AGBL3: variants seen among roughly 807,000 people sequenced by gnomAD.
AGBL3 encodes cytosolic carboxypeptidase 3.
AGBL3 carries 68 observed loss-of-function variants against 94.5 expected under a neutral mutation model. The ratio of observed to expected loss-of-function variants is 0.72; its 90% confidence interval spans 0.59 to 0.88. The LOEUF (loss-of-function observed/expected upper bound fraction) is 0.88. AGBL3 is among the 40% of genes least tolerant of loss of function. The pLI, the probability that AGBL3 is intolerant of heterozygous loss-of-function variation, is 0.00. For missense variants in AGBL3, 934 were observed against 1,103.8 expected, an observed-to-expected ratio of 0.85 and a Z score of 2.18; for synonymous variants, 354 against 370.7, an observed-to-expected ratio of 0.95 and a Z score of 0.52.
chr7:135,096,363 C>G (rs6956619), intron 15 of AGBL3, among the ~76,000 whole-genome samples: 139,015 of 146,178 alleles, frequency 0.95, 66,437 homozygotes, highest in Non-Finnish European at 1. Flanking sequence ...AAGAGAGAGA[C>G]AGACAGACAG....
chr7:135,127,273 A>G (rs558094196), intron 16 of AGBL3, among the ~76,000 whole-genome samples: 15 of 152,126 alleles, frequency 9.9e-5, no homozygotes, highest in Non-Finnish European at 1.6e-4. Context: ...AAAAAGCTCA[A>G]TGGTTGGGTG....
Position 135,135,412 on chromosome 7 carries a change from C to A in AGBL3, c.*151C>A. ...AAACTAAAAATTTTAGATATCCCAT[C>A]TTCTGTAGTGGGAACATCTTTCAGA... is the stretch of plus-strand genomic sequence containing the variant. On this transcript the variant is annotated 3_prime_UTR_variant, in exon 17 of 17. Transcript: ENST00000436302. 2.0e-6 allele frequency: 1 copy of A among 492,758 alleles called. No homozygotes were observed. The highest frequency in any genetic ancestry group is 3.3e-6 in the Non-Finnish European group (1 of 301,824). The allele number at this position is 492,758 out of a possible 1,614,324, so 30.5% of individuals were successfully genotyped here.
At chr7:135,020,097 A>G (rs1814261779) in intron 5 of AGBL3, among the ~76,000 whole-genome samples, 1 of 152,246 alleles carries the variant, frequency 6.6e-6, no homozygotes. Context: ...CTGTACAGCA[A>G]AAGAAACCAC....
intron 4 of AGBL3, among the ~76,000 whole-genome samples, chr7:135,009,773 A>G (rs551842433): frequency 2.6e-5 from 4 of 152,254 alleles, no homozygotes; most frequent in East Asian, 1.9e-4. Flanking sequence ...GGGGCTTCAC[A>G]CTCACATTTG....
At chr7:135,059,448 A>G (rs1254398880) in intron 12 of AGBL3, among the ~76,000 whole-genome samples, 3 of 152,246 alleles carry the variant, frequency 2.0e-5, no homozygotes, top group Non-Finnish European at 2.9e-5. Flanking sequence ...GTTAAGATCC[A>G]TAGAGATGAA....
chr7:135,103,846 T>C (rs1215550256), intron 15 of AGBL3, among the ~76,000 whole-genome samples: 1 of 152,178 alleles, frequency 6.6e-6, no homozygotes, highest in Non-Finnish European at 1.5e-5. Context: ...CCATTCCTTG[T>C]GTTGTAATTT....
At chr7:135,049,451 A>G (rs937998778) in intron 11 of AGBL3, among the ~76,000 whole-genome samples, 2 of 151,934 alleles carry the variant, frequency 1.3e-5, no homozygotes, top group East Asian at 3.8e-4. Context: ...AAATGAATTG[A>G]AAGTTCACTC....
At chr7:135,030,001 C>T (rs967617335) in intron 5 of AGBL3, among the ~76,000 whole-genome samples, 2 of 151,856 alleles carry the variant, frequency 1.3e-5, no homozygotes, top group Non-Finnish European at 2.9e-5. Context: ...AAAACAATTA[C>T]AACAGTAACA....
intron 8 of AGBL3, among the ~76,000 whole-genome samples, chr7:135,040,671 T>C (rs1816760507): frequency 6.6e-6 from 1 of 151,998 alleles, no homozygotes. Context: ...GCTAACAACA[T>C]AGTTGATGAA....
intron 4 of AGBL3, among the ~76,000 whole-genome samples, chr7:135,006,613 T>C (rs886591983): frequency 6.6e-6 from 1 of 151,950 alleles, no homozygotes; most frequent in Non-Finnish European, 1.5e-5. Context: ...TTATGGAAAA[T>C]AGTCATCTTT....
chr7:135,027,818 A>T (rs1044680495), intron 5 of AGBL3, among the ~76,000 whole-genome samples: 4 of 151,690 alleles, frequency 2.6e-5, no homozygotes, highest in African/African-American at 9.7e-5. Flanking sequence ...ATTACCCATT[A>T]CATACATATA....
intron 4 of AGBL3, among the ~76,000 whole-genome samples, chr7:134,998,265 A>C (rs1459484028): frequency 6.6e-6 from 1 of 152,216 alleles, no homozygotes; most frequent in Non-Finnish European, 1.5e-5. Flanking sequence ...AATGCCACTC[A>C]AGTTTGCAGG....
chr7:135,015,445 CCT>C (rs1176415640), intron 4 of AGBL3, among the ~76,000 whole-genome samples: 1 of 152,012 alleles, frequency 6.6e-6, no homozygotes, highest in African/African-American at 2.4e-5. Flanking sequence ...GAATGCTCAC[CCT>C]GTTTCAAATA....
At chr7:135,020,360 T>C (rs767522663) in intron 5 of AGBL3, among the ~76,000 whole-genome samples, 1 of 152,282 alleles carries the variant, frequency 6.6e-6, no homozygotes, top group African/African-American at 2.4e-5. Flanking sequence ...CACAATGAGA[T>C]ACCATCTCAC....
At chr7:135,080,743 TG>T (rs1475720133) in intron 14 of AGBL3, among the ~76,000 whole-genome samples, 2 of 81,006 alleles carry the variant, frequency 2.5e-5, no homozygotes, top group East Asian at 8.9e-4. Flanking sequence ...CTAGCATCTC[TG>T]TTTTTTTTTT....
intron 4 of AGBL3, among the ~76,000 whole-genome samples, chr7:135,006,316 G>A (rs1812382414): frequency 6.6e-6 from 1 of 151,834 alleles, no homozygotes; most frequent in African/African-American, 2.4e-5. Context: ...CCTGGCCACA[G>A]GCAAGCCTGA....
At chr7:135,115,043 C>T (rs1033166850) in intron 15 of AGBL3, among the ~76,000 whole-genome samples, 3 of 152,122 alleles carry the variant, frequency 2.0e-5, no homozygotes, top group Admixed American at 2.0e-4. Context: ...GCCTTTGTCT[C>T]GAATTATCTT....
chr7:135,055,500 T>C (rs1403588066), intron 11 of AGBL3, among the ~76,000 whole-genome samples: 1 of 148,648 alleles, frequency 6.7e-6, no homozygotes, highest in East Asian at 1.9e-4. Flanking sequence ...TCAAATGCTT[T>C]ATGTCAAAAA....
At chr7:135,129,089 C>CACT in intron 16 of AGBL3, 1 of 1,597,132 alleles carries the variant, frequency 6.3e-7, no homozygotes, top group African/African-American at 1.3e-5. Context: ...CTTCAGTGGC[C>CACT]ACTACTGGTC....
Sources: gnomAD v4.1 joint callset for allele counts (sites outside exome capture counted in the v4.1 genomes callset) on GRCh38, gnomAD v4.1.1 for gene constraint, MANE v1.5 for transcripts, NCBI Gene and HGNC (gene_info 2026-07-23, HGNC 2026-07-21) for gene names.